Variants in HDAC9 observed in about 807,000 individuals in gnomAD.
HDAC9 encodes the protein MEF-2 interacting transcription repressor (MITR) protein.
A neutral mutation model predicts 139.4 loss-of-function variants in HDAC9; 41 were observed. The observed-to-expected ratio is 0.29, with a 90% CI of 0.23 to 0.38. The LOEUF (loss-of-function observed/expected upper bound fraction) is 0.38, where lower values mean the gene tolerates loss of function less well. Ranked by LOEUF, HDAC9 falls within the 10% of genes least tolerant of loss-of-function variation. HDAC9 has a pLI of 1.00. For missense variants in HDAC9, 1,147 were observed against 1,297.0 expected, an observed-to-expected ratio of 0.88 and a Z score of 1.78; for synonymous variants, 517 against 476.2, an observed-to-expected ratio of 1.09 and a Z score of -1.12.
At chr7:18,498,355 T>C (rs980003013) in intron 2 of HDAC9, among the ~76,000 whole-genome samples, 9 of 151,976 alleles carry the variant, frequency 5.9e-5, no homozygotes, top group Non-Finnish European at 1.3e-4. Context: ...GAATGCCTGG[T>C]TTAATTGGTA....
intron 1 of HDAC9, among the ~76,000 whole-genome samples, chr7:18,420,031 G>A (rs1244958941): frequency 6.6e-6 from 1 of 152,142 alleles, no homozygotes; most frequent in African/African-American, 2.4e-5. Flanking sequence ...AAAAAGCTCT[G>A]CTAGTCTATA....
chr7:18,792,500 T>C (rs1227407673), intron 16 of HDAC9, among the ~76,000 whole-genome samples: 2 of 152,150 alleles, frequency 1.3e-5, no homozygotes, highest in African/African-American at 4.8e-5. Flanking sequence ...TGTTGCTCTT[T>C]TCATGTATGC....
chr7:18,120,737 C>T (rs1340840673), intron 1 of HDAC9, among the ~76,000 whole-genome samples: 1 of 152,092 alleles, frequency 6.6e-6, no homozygotes, highest in Non-Finnish European at 1.5e-5. Flanking sequence ...TATATTTAGA[C>T]TTTAGTGTTG....
intron 25 of HDAC9, among the ~76,000 whole-genome samples, chr7:18,981,760 A>C (rs904922720): frequency 1.3e-5 from 2 of 152,138 alleles, no homozygotes; most frequent in African/African-American, 2.4e-5. Context: ...CCACCTTATC[A>C]CCCCTAACTT....
intron 22 of HDAC9, among the ~76,000 whole-genome samples, chr7:18,875,654 C>A (rs1425953007): frequency 6.6e-6 from 1 of 152,074 alleles, no homozygotes; most frequent in Non-Finnish European, 1.5e-5. Flanking sequence ...ACAGGAAACT[C>A]TACAAAGACA....
intron 1 of HDAC9, among the ~76,000 whole-genome samples, chr7:18,153,966 A>G (rs12171593): frequency 0.13 from 20,262 of 152,180 alleles, 2,186 homozygotes; most frequent in African/African-American, 0.3. Context: ...AACAGGTAGA[A>G]CAGTGAGTAA....
At chr7:18,411,930 A>G (rs1788601663) in intron 1 of HDAC9, among the ~76,000 whole-genome samples, 1 of 141,300 alleles carries the variant, frequency 7.1e-6, no homozygotes, top group Non-Finnish European at 1.5e-5. Flanking sequence ...GGTTCAGGTG[A>G]TTCTTCTGCC....
At chr7:18,971,169 A>G (rs773499000) in intron 24 of HDAC9, among the ~76,000 whole-genome samples, 2 of 152,128 alleles carry the variant, frequency 1.3e-5, no homozygotes, top group East Asian at 3.9e-4. Context: ...TAGATTCATT[A>G]TTTGTGTTAC....
intron 1 of HDAC9, among the ~76,000 whole-genome samples, chr7:18,090,235 T>C (rs1287827884): frequency 2.0e-5 from 3 of 152,194 alleles, no homozygotes; most frequent in Non-Finnish European, 4.4e-5. Flanking sequence ...TTCCTGTATT[T>C]TAATTATGAG....
chr7:18,876,970 G>A (rs1799365683), intron 22 of HDAC9, among the ~76,000 whole-genome samples: 1 of 152,046 alleles, frequency 6.6e-6, no homozygotes, highest in Admixed American at 6.6e-5. Flanking sequence ...CCAAAGTGCT[G>A]GGATTACAAG....
At chr7:18,563,492 CT>C (rs1821255339) in intron 2 of HDAC9, among the ~76,000 whole-genome samples, 1 of 152,092 alleles carries the variant, frequency 6.6e-6, no homozygotes, top group South Asian at 2.1e-4. Flanking sequence ...CCCCTAATAT[CT>C]TTTACTCAGA....
intron 25 of HDAC9, among the ~76,000 whole-genome samples, chr7:18,989,169 T>C (rs1785641307): frequency 4.7e-5 from 7 of 149,270 alleles, no homozygotes; most frequent in African/African-American, 1.8e-4. Context: ...CGATGGTCTT[T>C]ACATTTTGGC....
At chr7:18,561,121 TAGAA>T (rs1820461704) in intron 2 of HDAC9, among the ~76,000 whole-genome samples, 1 of 152,096 alleles carries the variant, frequency 6.6e-6, no homozygotes, top group African/African-American at 2.4e-5. Flanking sequence ...ATAGAAGAAA[TAGAA>T]AGATCCATTG....
At chr7:18,858,347 C>T (rs905207963) in intron 21 of HDAC9, among the ~76,000 whole-genome samples, 10 of 152,160 alleles carry the variant, frequency 6.6e-5, no homozygotes, top group Admixed American at 1.3e-4. Context: ...AGGAAACTTA[C>T]AATCATGGTG....
intron 12 of HDAC9, among the ~76,000 whole-genome samples, chr7:18,684,093 CA>C (rs1391793192): frequency 2.0e-5 from 3 of 148,454 alleles, no homozygotes; most frequent in African/African-American, 7.5e-5. Context: ...CCCATCTCTA[CA>C]AAAAAATACA....
At chr7:18,168,526 G>A (rs952599979) in intron 2 of HDAC9, among the ~76,000 whole-genome samples, 19 of 152,046 alleles carry the variant, frequency 1.2e-4, no homozygotes, top group African/African-American at 4.3e-4. Context: ...TGTCTGTATA[G>A]ATTGGAGTTT....
At position 18,354,311 on chromosome 7, in the gene HDAC9, C is replaced by A. The variant is rs372541910; in HGVS notation, c.-42+63796C>A. ...TTACTATGACCTTGTAGTTTATGGG[C>A]TAAAGGTAACCATTATGCAATAATG... On this transcript the variant is annotated intron_variant, in intron 1 of 3. Coordinates refer to the HDAC9 transcript ENST00000413509. Among the ~76,000 whole-genome samples the A allele has an allele frequency of 2.7e-4, 41 of 152,228 alleles. No homozygotes were observed. In the East Asian group the frequency reaches 3.3e-3, roughly 12 times the overall value.
chr7:18,412,936 G>C (rs1432016932), intron 1 of HDAC9, among the ~76,000 whole-genome samples: 3 of 152,080 alleles, frequency 2.0e-5, no homozygotes, highest in Non-Finnish European at 4.4e-5. Context: ...GAAATTAGTG[G>C]AATATGAAAC....
chr7:18,834,357 T>C (rs1226991183), intron 19 of HDAC9, among the ~76,000 whole-genome samples: 2 of 152,030 alleles, frequency 1.3e-5, no homozygotes, highest in South Asian at 2.1e-4. Flanking sequence ...TCAGAAGATA[T>C]TATGAAGCAT....
Sources: allele counts gnomAD v4.1 joint callset (sites outside exome capture counted in the v4.1 genomes callset), GRCh38; gene constraint gnomAD v4.1.1; transcripts MANE v1.5; gene names NCBI Gene and HGNC (gene_info 2026-07-23, HGNC 2026-07-21).